KBTBD11: variants seen among roughly 807,000 people sequenced by gnomAD.
KBTBD11 encodes kelch repeat and BTB domain containing 11, also known as kelch repeat and BTB domain-containing protein 11.
For missense variants in KBTBD11, 1,390 were observed against 1,001.8 expected (o/e 1.39, Z -5.23); for synonymous variants, 747 against 499.0 (o/e 1.50, Z -6.63).
Position 2,004,043 on chromosome 8 carries a change from G to T in KBTBD11, c.*979G>T, listed in dbSNP as rs1817497702. On this transcript the variant is annotated 3_prime_UTR_variant, in exon 2 of 2. Transcript: ENST00000320248. ...GGCACATTTTAAACCCACTGTATATGATGTTTTCAATGTGGATCGTGTAGT... is the reference window on the plus strand; with the variant it reads ...GGCACATTTTAAACCCACTGTATATTATGTTTTCAATGTGGATCGTGTAGT... The T allele has an allele frequency of 1.2e-5, 2 of 166,838 alleles. No individual in the cohort carries two copies. The highest frequency in any genetic ancestry group is 1.3e-4 in the Admixed American group (2 of 15,284). The allele number at this position is 166,838 out of a possible 1,614,324, so 10.3% of individuals were successfully genotyped here.
Position 2,004,661 on chromosome 8 carries a change from A to G in KBTBD11, c.*1597A>G, listed in dbSNP as rs186150809. On this transcript the variant is annotated 3_prime_UTR_variant, in exon 2 of 2. Transcript: ENST00000320248. Reference sequence around the variant, plus strand: ...TGGAATTTATGATCTGGGTTACGGTATGTTCTGGGGACGTGTCTGCTTGCC... The same window carrying G: ...TGGAATTTATGATCTGGGTTACGGTGTGTTCTGGGGACGTGTCTGCTTGCC... The G allele has an allele frequency of 4.0e-3, 666 of 167,156 alleles. 8 individuals carry two copies. Among genetic ancestry groups the G allele is most frequent in the Non-Finnish European group, 2.3e-3 (159 of 68,122 alleles). The allele number at this position is 167,156 out of a possible 1,614,324, so 10.4% of individuals were successfully genotyped here. A position where few individuals can be genotyped will look rare whatever the true frequency, so the allele number is the denominator to read the frequency against.
At position 2,002,841 on chromosome 8, in the gene KBTBD11, T is replaced by G; in HGVS notation, c.1649T>G (p.Leu550Arg). 1 of 1,409,174 alleles carries G rather than the reference T, an allele frequency of 7.1e-7. No individual in the cohort carries two copies. The highest frequency in any genetic ancestry group is 3.0e-5 in the East Asian group (1 of 33,136). 87.3% of individuals were successfully genotyped at this position (1,409,174 alleles called of 1,614,324 possible). A position where few individuals can be genotyped will look rare whatever the true frequency, so the allele number is the denominator to read the frequency against. The change falls in exon 2 of 2, where the codon CTG becomes CGG. Residue 550 changes from leucine to arginine, a missense_variant. By Grantham distance (102) the Leu-to-Arg change is moderately radical (BLOSUM62 -2). Coordinates refer to ENST00000320248, the MANE Select transcript of KBTBD11 (RefSeq NM_014867.3). This position sits in a 1 kb window ranked among gnomAD's most constrained non-coding sequence, Gnocchi z 4.1. ...PLRLPGGPTG[L>R]QPFRCAALDG... Reference sequence around the variant, plus strand: ...CGCCTCCCCGGCGGCCCCACGGGCCTGCAGCCCTTCCGCTGCGCCGCCCTG... The same window carrying G: ...CGCCTCCCCGGCGGCCCCACGGGCCGGCAGCCCTTCCGCTGCGCCGCCCTG...
intron 1 of KBTBD11, among the ~76,000 whole-genome samples, chr8:1,987,862 C>A (rs1393931117): frequency 1.3e-5 from 2 of 152,034 alleles, no homozygotes; most frequent in Non-Finnish European, 2.9e-5. Context: ...AGGTATTTCT[C>A]CTAATGCTTT....
chr8:1,996,262 C>T (rs138724229), intron 1 of KBTBD11, among the ~76,000 whole-genome samples: 4 of 152,130 alleles, frequency 2.6e-5, no homozygotes, highest in South Asian at 2.1e-4. Flanking sequence ...GCGTGTAGGA[C>T]GCTGGAAGGA....
intron 1 of KBTBD11, among the ~76,000 whole-genome samples, chr8:1,989,076 G>T (rs1816791038): frequency 6.6e-6 from 1 of 152,106 alleles, no homozygotes; most frequent in South Asian, 2.1e-4. Context: ...TTCAGAGCTG[G>T]ACATTTCAGG....
At chr8:1,979,780 C>G (rs190509881) in intron 1 of KBTBD11, among the ~76,000 whole-genome samples, 3 of 152,216 alleles carry the variant, frequency 2.0e-5, no homozygotes, top group African/African-American at 7.2e-5. Context: ...GTGGCCCACG[C>G]GGTCCTGAAG....
rs1000951916 is a variant in KBTBD11, at chr8:1,993,334, C to T, written c.-908-6951C>T. On this transcript the variant is annotated intron_variant, in intron 1 of 1. Coordinates refer to ENST00000320248, the MANE Select transcript of KBTBD11 (RefSeq NM_014867.3). Reference sequence around the variant, plus strand: ...TCATCCATCCATCTATCCATCCAGTCGCCCATCTTTCTGTCCATCCATCGG... The same window carrying T: ...TCATCCATCCATCTATCCATCCAGTTGCCCATCTTTCTGTCCATCCATCGG... Among the ~76,000 whole-genome samples the T allele has an allele frequency of 3.9e-5, 6 of 151,946 alleles. No individual in the cohort carries two copies. The South Asian group carries it at 6.2e-4, about 16-fold the overall frequency.
At chr8:1,991,894 C>T (rs1255417897) in intron 1 of KBTBD11, among the ~76,000 whole-genome samples, 1 of 152,076 alleles carries the variant, frequency 6.6e-6, no homozygotes, top group East Asian at 1.9e-4. Flanking sequence ...CTTCCAAACA[C>T]CTTGACCTTC....
intron 1 of KBTBD11, among the ~76,000 whole-genome samples, chr8:1,997,452 A>G (rs1182408277): frequency 2.0e-5 from 3 of 151,780 alleles, no homozygotes; most frequent in African/African-American, 7.3e-5. Context: ...ATAATTTGAG[A>G]CAGAAAAGGG....
At chr8:1,989,565 C>G (rs1220823340) in intron 1 of KBTBD11, among the ~76,000 whole-genome samples, 4 of 152,208 alleles carry the variant, frequency 2.6e-5, no homozygotes, top group South Asian at 2.1e-4. Context: ...CCGCATGGAT[C>G]TCAGACGCTT....
In KBTBD11 at chr8:1,976,885, G is replaced by A. The variant is rs1277719967; in HGVS notation, c.-909+2950G>A. ...GGCCCTGTGGTGAGGACTAGAGCAC[G>A]GAGAGGTCAGTGAGGGGCGCTGGAG... On this transcript the variant is annotated intron_variant, in intron 1 of 1. Transcript: ENST00000320248. 2.6e-5 allele frequency among the ~76,000 whole-genome samples: 4 copies of A among 152,156 alleles called. No homozygotes were observed. In the South Asian group the frequency reaches 6.2e-4, roughly 24 times the overall value.
chr8:1,997,257 C>T (rs751922154), intron 1 of KBTBD11, among the ~76,000 whole-genome samples: 5 of 152,078 alleles, frequency 3.3e-5, no homozygotes, highest in Non-Finnish European at 5.9e-5. Flanking sequence ...GGGAGGAATC[C>T]CTGTGGAAAT....
At position 2,002,997 on chromosome 8, in the gene KBTBD11, G is replaced by T. The variant is rs573084182; in HGVS notation, c.1805G>T (p.Gly602Val). The T allele has an allele frequency of 1.2e-5, 16 of 1,306,642 alleles. No homozygotes were observed. The Admixed American group carries it at 4.4e-4, about 36-fold the overall frequency. The allele number at this position is 1,306,642 out of a possible 1,614,324, so 80.9% of individuals were successfully genotyped here. The change falls in exon 2 of 2, where the codon GGT (glycine) becomes GTT (valine). Residue 602 changes from glycine to valine, a missense_variant. Gly to Val is a moderately radical substitution (Grantham distance 109, BLOSUM62 -3). Transcript: ENST00000320248. This position sits in a 1 kb window ranked among gnomAD's most constrained non-coding sequence, Gnocchi z 4.1. ...CTGGGCGCCCCCTTGGACGTCCGGG[G>T]TGTGCTCATCCCGTTCGCTCTCAGC... ...EALGAPLDVR[G>V]VLIPFALSLP...
Position 2,001,772 on chromosome 8 carries a change from G to A in KBTBD11, c.580G>A (p.Gly194Arg), listed in dbSNP as rs750316910. 1.5e-5 allele frequency: 19 copies of A among 1,283,538 alleles called. 1 individual carries two copies. In the South Asian group the frequency reaches 3.6e-4, roughly 25 times the overall value. The allele number at this position is 1,283,538 out of a possible 1,614,324, so 79.5% of individuals were successfully genotyped here. A position where few individuals can be genotyped will look rare whatever the true frequency, so the allele number is the denominator to read the frequency against. ...LRLLLADAYS[G>R]RMAGVRPDNV... ...GCTGCTCCTCGCCGACGCCTACAGCGGGCGCATGGCGGGCGTGCGGCCCGA... is the reference window on the plus strand; with the variant it reads ...GCTGCTCCTCGCCGACGCCTACAGCAGGCGCATGGCGGGCGTGCGGCCCGA... Residue 194 changes from glycine (G) to arginine (R), a missense_variant, in exon 2 of 2, where the codon GGG becomes AGG. Physicochemically the swap from Gly to Arg is moderately radical, Grantham distance 125 (BLOSUM62 -2). Coordinates refer to ENST00000320248, the MANE Select transcript of KBTBD11 (RefSeq NM_014867.3).
In KBTBD11 at chr8:2,003,092, C is replaced by T. The variant is rs1032763395; in HGVS notation, c.*28C>T. On this transcript the variant is annotated 3_prime_UTR_variant, in exon 2 of 2. Coordinates refer to ENST00000320248, the MANE Select transcript of KBTBD11 (RefSeq NM_014867.3). ...CGGCGGGGTCGGCGGGCGTCTCCCT[C>T]GGCAGGGGTTTGCGGGGCCCAGGTC... is the stretch of plus-strand genomic sequence containing the variant. 31 of 1,258,084 alleles carry T rather than the reference C, an allele frequency of 2.5e-5. No individual in the cohort carries two copies. Among genetic ancestry groups the T allele is most frequent in the South Asian group, 6.5e-5 (2 of 31,004 alleles). 77.9% of individuals were successfully genotyped at this position (1,258,084 alleles called of 1,614,324 possible).
At chr8:1,978,219 G>C (rs946268923) in intron 1 of KBTBD11, among the ~76,000 whole-genome samples, 1 of 152,168 alleles carries the variant, frequency 6.6e-6, no homozygotes, top group African/African-American at 2.4e-5. Flanking sequence ...TCATCATTCA[G>C]CTCCCACTTA....
intron 1 of KBTBD11, among the ~76,000 whole-genome samples, chr8:1,988,306 A>G (rs36089534): frequency 6.6e-6 from 1 of 152,006 alleles, no homozygotes; most frequent in Non-Finnish European, 1.5e-5. Context: ...GGAATCGCCA[A>G]ACTGTCTTCC....
chr8:1,978,416 G>C (rs922766697), intron 1 of KBTBD11, among the ~76,000 whole-genome samples: 1 of 152,142 alleles, frequency 6.6e-6, no homozygotes, highest in Admixed American at 6.5e-5. Context: ...CTTGCGCCAG[G>C]AGGATTCACA....
intron 1 of KBTBD11, among the ~76,000 whole-genome samples, chr8:1,978,951 A>C (rs1388073042): frequency 1.3e-5 from 2 of 152,178 alleles, no homozygotes; most frequent in Non-Finnish European, 2.9e-5. Context: ...AAGCAATGAG[A>C]GACCCACCCC....
Sources: gnomAD v4.1 joint callset for allele counts (sites outside exome capture counted in the v4.1 genomes callset) on GRCh38, gnomAD v4.1.1 for gene constraint, Gnocchi (gnomAD v3.1) non-coding constraint, MANE v1.5 for transcripts, NCBI Gene and HGNC (gene_info 2026-07-23, HGNC 2026-07-21) for gene names.